EPHX2: variants seen among roughly 807,000 people sequenced by gnomAD.
EPHX2 encodes the protein bifunctional epoxide hydrolase 2.
EPHX2 carries 74 observed loss-of-function variants against 78.7 expected under a neutral mutation model. The ratio of observed to expected loss-of-function variants is 0.94; its 90% CI spans 0.78 to 1.14. The LOEUF (loss-of-function observed/expected upper bound fraction) is 1.14. Ranked by LOEUF, EPHX2 falls within the 50% of genes most tolerant of loss-of-function variation. The pLI, the probability that EPHX2 is intolerant of heterozygous loss-of-function variation, is 0.00. For synonymous variants in EPHX2, 251 were observed against 255.2 expected (o/e 0.98, Z 0.16); for missense variants, 715 against 702.5 (o/e 1.02, Z -0.20).
chr8:27,516,873 C>T (rs1223647662), intron 8 of EPHX2, among the ~76,000 whole-genome samples: 1 of 151,708 alleles, frequency 6.6e-6, no homozygotes, highest in African/African-American at 2.4e-5. Flanking sequence ...AGCATAATGT[C>T]CTGAAGTTTC....
At chr8:27,500,337 C>G (rs1348424275) in intron 1 of EPHX2, among the ~76,000 whole-genome samples, 1 of 152,166 alleles carries the variant, frequency 6.6e-6, no homozygotes, top group African/African-American at 2.4e-5. Flanking sequence ...TTCCCTGAGG[C>G]CTCCCCAGCT....
chr8:27,496,182 T>C (rs1292223551), intron 1 of EPHX2, among the ~76,000 whole-genome samples: 6 of 152,176 alleles, frequency 3.9e-5, no homozygotes, highest in African/African-American at 1.2e-4. Context: ...GGGCCTTCAG[T>C]TTAGATGCCA....
rs146980628 is a variant in EPHX2, at chr8:27,536,126, G to A, written c.1171-658G>A. 3.3e-3 allele frequency among the ~76,000 whole-genome samples: 498 copies of A among 152,308 alleles called. 1 individual carries two copies. The highest frequency in any genetic ancestry group is 5.7e-3 in the Non-Finnish European group (391 of 68,030). ...GAAGGACCTGGTCATTTGTCACCAGGAAGGCTATGTGTCCCAGCTCTTTAA... is the reference window on the plus strand; with the variant it reads ...GAAGGACCTGGTCATTTGTCACCAGAAAGGCTATGTGTCCCAGCTCTTTAA... On this transcript the variant is annotated intron_variant, in intron 12 of 18. Transcript: ENST00000521400.
chr8:27,515,537 G>C, intron 6 of EPHX2, 181 bp from the exon 7 acceptor site: 1 of 577,258 alleles, frequency 1.7e-6, no homozygotes, highest in Non-Finnish European at 3.1e-6. Flanking sequence ...TTATTGAGTA[G>C]GTTGGCCAGG....
In EPHX2 at chr8:27,543,616, G is replaced by A. The variant is rs72478906; in HGVS notation, c.1450-133G>A. The A allele has an allele frequency of 2.3e-3, 1,799 of 789,940 alleles. 22 individuals carry two copies. In the African/African-American group the frequency reaches 0.028, roughly 12 times the overall value. The allele number at this position is 789,940 out of a possible 1,614,324, so 48.9% of individuals were successfully genotyped here. On this transcript the variant is annotated intron_variant, in intron 16 of 18. Transcript: ENST00000521400. ...TTTAAAGATCTCCAGTAATAACCAC[G>A]AGTCTGTTGTGCAAAGTTCGGCAGA...
chr8:27,543,006 TC>T (rs60846123), intron 16 of EPHX2, among the ~76,000 whole-genome samples: 37,208 of 99,382 alleles, frequency 0.37, 6,429 homozygotes, highest in African/African-American at 0.57. Flanking sequence ...TCCCATCCTC[TC>T]CCCCCCCCGC....
chr8:27,503,202 G>A (rs1046135501), intron 2 of EPHX2, among the ~76,000 whole-genome samples: 1 of 152,180 alleles, frequency 6.6e-6, no homozygotes, highest in Non-Finnish European at 1.5e-5. Context: ...AAATCTGCTG[G>A]AGCCTTGATC....
At chr8:27,525,610 A>G (rs2132766450) in intron 12 of EPHX2, 137 bp downstream of exon 12, 1 of 798,340 alleles carries the variant, frequency 1.3e-6, no homozygotes, top group African/African-American at 1.7e-5. Context: ...AAATGGGCTC[A>G]GGTGAAACTG....
rs187517878 is a variant in EPHX2 at position 27,525,401 on chromosome 8, T to A, written c.1098T>A (p.Asn366Lys). The A allele has an allele frequency of 6.2e-7, 1 of 1,614,072 alleles. No homozygotes were observed. Among genetic ancestry groups the A allele is most frequent in the African/African-American group, 1.3e-5 (1 of 74,978 alleles). The part of the protein sequence containing the change: ...ASLNTPFIPA[N>K]PNMSPLESIK... ...TGAATACTCCCTTCATACCAGCAAATCCCAACATGTCCCCTTTGGAGAGTA... is the reference window on the plus strand; with the variant it reads ...TGAATACTCCCTTCATACCAGCAAAACCCAACATGTCCCCTTTGGAGAGTA... The change falls in exon 12 of 19, where the codon AAT becomes AAA. Residue 366 changes from asparagine (N) to lysine (K), a missense_variant. Coordinates refer to ENST00000521400, the MANE Select transcript of EPHX2 (RefSeq NM_001979.6).
chr8:27,501,384 C>CTTCTTCTTCTTCTTCT (rs1813786664), intron 2 of EPHX2, among the ~76,000 whole-genome samples: 1 of 102,676 alleles, frequency 9.7e-6, no homozygotes, highest in Non-Finnish European at 2.0e-5. Flanking sequence ...TCTTCTTCTT[C>CTTCTTCTTCTTCTTCT]TTCTTCTTCT....
chr8:27,536,907 A>C, intron 13 of EPHX2, 52 bp downstream of exon 13: 1 of 1,596,680 alleles, frequency 6.3e-7, no homozygotes, highest in South Asian at 1.1e-5. Context: ...TTGTGAAGGA[A>C]GTAGGGTACC....
intron 1 of EPHX2, among the ~76,000 whole-genome samples, chr8:27,500,222 G>T (rs1813713839): frequency 1.3e-5 from 2 of 152,068 alleles, no homozygotes; most frequent in Admixed American, 1.3e-4. Flanking sequence ...ATGAGATCTA[G>T]TTGTTTATAA....
At position 27,541,492 on chromosome 8, in the gene EPHX2, C is replaced by T. The variant is rs138452999; in HGVS notation, c.1399C>T (p.Arg467Ter). ...SGFRGPLNWY[R>*]NMERNWKWAC... ...CCCCAGAGGTCCTCTAAACTGGTACCGAAACATGGAAAGGAACTGGAAGTG... is the reference window on the plus strand; with the variant it reads ...CCCCAGAGGTCCTCTAAACTGGTACTGAAACATGGAAAGGAACTGGAAGTG... The change falls in exon 16 of 19, where the codon CGA (arginine) becomes TGA (stop). Residue 467 changes from arginine to a stop codon, truncating the protein, a stop_gained. Transcript: ENST00000521400. LOFTEE classifies it high-confidence loss of function. The T allele has an allele frequency of 9.2e-5, 149 of 1,614,080 alleles. No individual in the cohort carries two copies. Among genetic ancestry groups the T allele is most frequent in the Middle Eastern group, 1.6e-4 (1 of 6,084 alleles).
At position 27,545,509 on chromosome 8, in the gene EPHX2, C is replaced by T. The variant is rs1815557267; in HGVS notation, c.*987C>T. 6.6e-6 allele frequency: 1 copy of T among 152,428 alleles called. No individual in the cohort carries two copies. Among genetic ancestry groups the T allele is most frequent in the East Asian group, 1.9e-4 (1 of 5,158 alleles). 9.4% of individuals were successfully genotyped at this position (152,428 alleles called of 1,614,324 possible). On this transcript the variant is annotated 3_prime_UTR_variant, in exon 19 of 19. Coordinates refer to ENST00000521400, the MANE Select transcript of EPHX2 (RefSeq NM_001979.6). ...GATCCTGAAACTCGCAGGGCCTCCC[C>T]CAACTGCCCCTGCCCACCCCCAGCC... is the stretch of plus-strand genomic sequence containing the variant.
intron 1 of EPHX2, among the ~76,000 whole-genome samples, chr8:27,494,066 TGTTA>T (rs1293463056): frequency 1.3e-5 from 2 of 152,068 alleles, no homozygotes; most frequent in Non-Finnish European, 2.9e-5. Context: ...CCAGACTGTT[TGTTA>T]AACAGGGAGG....
intron 8 of EPHX2, among the ~76,000 whole-genome samples, chr8:27,517,381 C>G (rs73556191): frequency 1.3e-3 from 202 of 152,286 alleles, no homozygotes; most frequent in African/African-American, 4.7e-3. Context: ...AAAATAGAGA[C>G]AGCAATTCTA....
intron 12 of EPHX2, among the ~76,000 whole-genome samples, chr8:27,534,248 A>C (rs1188272590): frequency 6.6e-6 from 1 of 152,218 alleles, no homozygotes; most frequent in Non-Finnish European, 1.5e-5. Context: ...TTCATCAGAA[A>C]ATCTCCAACC....
In EPHX2 at chr8:27,491,289, G is replaced by C; in HGVS notation, c.81G>C (p.Glu27Asp). The C allele has an allele frequency of 6.4e-7, 1 of 1,566,768 alleles. No homozygotes were observed. ...PAVFGVLGRT[E>D]EALALPRGLL... ...TGTTCGGCGTCCTCGGCCGCACGGA[G>C]GAGGCCCTGGCGCTGCCCAGGTAAG... The change falls in exon 1 of 19, where the codon GAG becomes GAC. Residue 27 changes from glutamate to aspartate, a missense_variant. Coordinates refer to ENST00000521400, the MANE Select transcript of EPHX2 (RefSeq NM_001979.6).
At chr8:27,507,363 C>T (rs1405043967) in intron 5 of EPHX2, among the ~76,000 whole-genome samples, 2 of 152,192 alleles carry the variant, frequency 1.3e-5, no homozygotes, top group African/African-American at 4.8e-5. Flanking sequence ...CGCTGGCACT[C>T]AGGTGCAGCC....
Sources: allele counts gnomAD v4.1 joint callset (sites outside exome capture counted in the v4.1 genomes callset), GRCh38; gene constraint gnomAD v4.1.1; transcripts MANE v1.5; gene names NCBI Gene and HGNC (gene_info 2026-07-23, HGNC 2026-07-21).